LRRK1: variants seen among roughly 807,000 people sequenced by gnomAD.
LRRK1 encodes leucine-rich repeat serine/threonine-protein kinase 1.
A neutral mutation model predicts 209.1 loss-of-function variants in LRRK1; 113 were observed. That is an observed-to-expected ratio of 0.54 (90% CI 0.46 to 0.63). LRRK1 has a LOEUF of 0.63. Among genes scored for constraint, LRRK1 ranks in the 30% least tolerant of loss-of-function variants. The pLI is 0.00. For missense variants in LRRK1, 2,284 were observed against 2,632.2 expected, an observed-to-expected ratio of 0.87 and a Z score of 2.89; for synonymous variants, 1,144 against 1,099.7, an observed-to-expected ratio of 1.04 and a Z score of -0.80.
intron 12 of LRRK1, among the ~76,000 whole-genome samples, chr15:101,016,360 TC>T (rs1424218488): frequency 6.6e-6 from 1 of 151,582 alleles, no homozygotes; most frequent in Non-Finnish European, 1.5e-5. Flanking sequence ...GCTGGCGCCC[TC>T]CTCTCAGATA....
At chr15:100,968,991 C>A (rs140682537) in intron 2 of LRRK1, among the ~76,000 whole-genome samples, 1 of 152,056 alleles carries the variant, frequency 6.6e-6, no homozygotes, top group South Asian at 2.1e-4. Context: ...CAGGTGTGCA[C>A]CACCATGCCC....
chr15:101,063,873 G>A (rs1198699043), intron 31 of LRRK1, among the ~76,000 whole-genome samples: 2 of 151,718 alleles, frequency 1.3e-5, no homozygotes, highest in Non-Finnish European at 2.9e-5. Context: ...GCCCCACAGC[G>A]AGGCTACGCA....
chr15:101,035,492 G>T (rs2034462204), intron 20 of LRRK1, among the ~76,000 whole-genome samples: 1 of 152,008 alleles, frequency 6.6e-6, no homozygotes, highest in Admixed American at 6.5e-5. Context: ...GCTACTATTT[G>T]CATGGAATAT....
At chr15:101,025,254 T>C (rs2033972454) in intron 16 of LRRK1, among the ~76,000 whole-genome samples, 1 of 152,198 alleles carries the variant, frequency 6.6e-6, no homozygotes, top group African/African-American at 2.4e-5. Flanking sequence ...CTTGTCTCCC[T>C]GCCTCTGATG....
In LRRK1 at chr15:100,943,254, TA is replaced by T. The variant is rs200778170; in HGVS notation, c.97+18530del. Reference sequence around the variant, plus strand: ...GAGTCATTGTTTTCTGCCTTTTTAATAAAAATTAATTCAGTGATTTAGAGTG... The same window carrying T: ...GAGTCATTGTTTTCTGCCTTTTTAATAAAATTAATTCAGTGATTTAGAGTG... On this transcript the variant is annotated intron_variant, in intron 2 of 33. Transcript: ENST00000388948. Among the ~76,000 whole-genome samples the T allele has an allele frequency of 5.8e-4, 89 of 152,342 alleles. 3 individuals carry two copies. The East Asian group carries it at 0.013, about 23-fold the overall frequency.
At chr15:101,051,529 A>G (rs1014706797) in intron 23 of LRRK1, among the ~76,000 whole-genome samples, 182 bp from the exon 24 acceptor site, 1 of 152,092 alleles carries the variant, frequency 6.6e-6, no homozygotes, top group Non-Finnish European at 1.5e-5. Context: ...AGGACAAACA[A>G]TTGCGCTCTC....
intron 2 of LRRK1, among the ~76,000 whole-genome samples, chr15:100,963,644 T>G (rs1243996637): frequency 2.0e-5 from 3 of 152,322 alleles, no homozygotes; most frequent in African/African-American, 7.2e-5. Context: ...GGGAGTAGTC[T>G]TTTAGTGTGC....
intron 2 of LRRK1, 128 bp from the exon 3 acceptor site, chr15:100,973,674 CCT>C: frequency 4.3e-6 from 4 of 939,384 alleles, no homozygotes; most frequent in Non-Finnish European, 5.5e-6. Flanking sequence ...CGGGGCCACC[CCT>C]CTCTCTTCCT....
At position 101,058,153 on chromosome 15, in the gene LRRK1, C is replaced by A. The variant is rs184996256; in HGVS notation, c.4679+12C>A. 6.2e-7 allele frequency: 1 copy of A among 1,613,446 alleles called. No homozygotes were observed. The highest frequency in any genetic ancestry group is 1.7e-5 in the Admixed American group (1 of 59,974). On this transcript the variant is annotated intron_variant, in intron 29 of 33. Coordinates refer to ENST00000388948, the MANE Select transcript of LRRK1 (RefSeq NM_024652.6). ...AAAGAGGAGTCCAGGTAAGCTCCTG[C>A]GGGCTGCCCTGCCCCCTTTGTATTT...
chr15:100,925,930 G>A (rs1056600123), intron 2 of LRRK1, among the ~76,000 whole-genome samples: 1 of 152,168 alleles, frequency 6.6e-6, no homozygotes, highest in South Asian at 2.1e-4. Context: ...GGGTCAACAG[G>A]TTGGGTCTGA....
At chr15:100,979,387 G>A (rs181014656) in intron 3 of LRRK1, among the ~76,000 whole-genome samples, 1 of 152,206 alleles carries the variant, frequency 6.6e-6, no homozygotes, top group African/African-American at 2.4e-5. Context: ...TAATATCATT[G>A]TATTTAAAAA....
At chr15:101,045,118 C>G (rs951008996) in intron 20 of LRRK1, among the ~76,000 whole-genome samples, 1 of 152,238 alleles carries the variant, frequency 6.6e-6, no homozygotes, top group East Asian at 1.9e-4. Context: ...CCGAGACTTG[C>G]GCCTGTATGC....
chr15:101,051,865 C>G lies in LRRK1; in HGVS notation c.3594C>G (p.Ile1198Met), dbSNP rs369473298. The change falls in exon 24 of 34, where the codon ATC becomes ATG. Residue 1198 changes from isoleucine to methionine, a missense_variant. Ile to Met is a conservative substitution (Grantham distance 10). Around this residue, in one of 6 missense-constraint regions of LRRK1, gnomAD observed 780 missense variants for 985.2 expected, o/e 0.79. Transcript: ENST00000388948. ...TGGAAGACTGTGTCCTGACGGCCAT[C>G]GAGCGGGACTTCATCTCCTGCCCCA... ...FDMEDCVLTA[I>M]ERDFISCPRH... The G allele has an allele frequency of 3.7e-6, 6 of 1,614,102 alleles. No individual in the cohort carries two copies. Among genetic ancestry groups the G allele is most frequent in the Non-Finnish European group, 4.2e-6 (5 of 1,180,020 alleles).
rs144539209 is a variant in LRRK1 at position 101,034,339 on chromosome 15, G to T, written c.2963+5107G>T. On this transcript the variant is annotated intron_variant, in intron 20 of 33. Coordinates refer to ENST00000388948, the MANE Select transcript of LRRK1 (RefSeq NM_024652.6). Reference sequence around the variant, plus strand: ...CCATAAAACCTTTGCCTAGACCAATGTCCTGAAGTGCTTACCCTGTTTTCT... The same window carrying T: ...CCATAAAACCTTTGCCTAGACCAATTTCCTGAAGTGCTTACCCTGTTTTCT... 4.4e-4 allele frequency among the ~76,000 whole-genome samples: 67 copies of T among 152,238 alleles called. 4 individuals carry two copies. In the East Asian group the frequency reaches 7.7e-3, roughly 18 times the overall value.
chr15:100,937,780 C>T (rs2042329242), intron 2 of LRRK1, among the ~76,000 whole-genome samples: 1 of 152,028 alleles, frequency 6.6e-6, no homozygotes, highest in African/African-American at 2.4e-5. Context: ...CGTGATCCGC[C>T]CGTCTCGGCC....
chr15:101,044,579 C>T (rs1282157768), intron 20 of LRRK1, among the ~76,000 whole-genome samples: 1 of 152,234 alleles, frequency 6.6e-6, no homozygotes, highest in Non-Finnish European at 1.5e-5. Context: ...CACTCAGGAT[C>T]TCTTTATTTG....
intron 2 of LRRK1, among the ~76,000 whole-genome samples, chr15:100,937,944 G>A (rs1221640481): frequency 1.3e-5 from 2 of 151,622 alleles, no homozygotes; most frequent in Non-Finnish European, 2.9e-5. Context: ...TTGACAGCCT[G>A]GGCTTTAGCG....
chr15:100,926,294 C>T (rs1370239335), intron 2 of LRRK1, among the ~76,000 whole-genome samples: 1 of 151,890 alleles, frequency 6.6e-6, no homozygotes, highest in Non-Finnish European at 1.5e-5. Context: ...ACGCAGTCCC[C>T]GATTTGGGGG....
chr15:101,031,367 T>C (rs28854930), intron 20 of LRRK1, among the ~76,000 whole-genome samples: 18,544 of 152,274 alleles, frequency 0.12, 1,374 homozygotes, highest in Non-Finnish European at 0.16. Flanking sequence ...TCACGCAATA[T>C]GGTCTCTAAT....
Sources: allele counts gnomAD v4.1 joint callset (sites outside exome capture counted in the v4.1 genomes callset), GRCh38; gene constraint gnomAD v4.1.1; regional missense constraint gnomAD v4.1.1; transcripts MANE v1.5; gene names NCBI Gene and HGNC (gene_info 2026-07-23, HGNC 2026-07-21).